The following TOX variants were observed in gnomAD, a reference collection of about 807,000 sequenced individuals.
TOX encodes the protein thymocyte selection associated high mobility group box.
Under a neutral mutation model 53.7 loss-of-function variants are expected in TOX, and 11 were observed. That is an observed-to-expected ratio of 0.20 (90% CI 0.13 to 0.34). TOX has a LOEUF of 0.34. TOX is among the 10% of genes least tolerant of loss of function. The probability of loss-of-function intolerance (pLI) is 1.00; values close to 1 mark genes in which losing one functional copy is unlikely to be tolerated. For synonymous variants in TOX, 225 were observed against 245.3 expected (o/e 0.92, Z 0.77); for missense variants, 570 against 664.6 (o/e 0.86, Z 1.56).
chr8:58,811,978 T>C (rs1191034868), intron 7 of TOX, among the ~76,000 whole-genome samples: 2 of 152,188 alleles, frequency 1.3e-5, no homozygotes, highest in East Asian at 3.8e-4. Context: ...ATTTTAAAAA[T>C]ACAGTTGCTG....
At chr8:59,002,604 CAACAAAAAAAAAACA>C (rs1170198411) in intron 1 of TOX, among the ~76,000 whole-genome samples, 2 of 102,094 alleles carry the variant, frequency 2.0e-5, no homozygotes, top group Non-Finnish European at 4.9e-5. Flanking sequence ...ACAACAACAA[CAACAAAAAAAAAACA>C]AACAAAAAAA....
At chr8:58,909,656 C>T (rs957138143) in intron 3 of TOX, among the ~76,000 whole-genome samples, 1 of 149,152 alleles carries the variant, frequency 6.7e-6, no homozygotes, top group South Asian at 2.1e-4. Context: ...AATTCTCTCT[C>T]TCTCTTTTTT....
At chr8:58,832,078 G>T (rs1206536536) in intron 5 of TOX, among the ~76,000 whole-genome samples, 1 of 149,446 alleles carries the variant, frequency 6.7e-6, no homozygotes, top group Admixed American at 6.7e-5. Context: ...AGGCATGTAA[G>T]AATCACATTT....
At chr8:59,067,502 C>G (rs1203006675) in intron 1 of TOX, among the ~76,000 whole-genome samples, 1 of 152,110 alleles carries the variant, frequency 6.6e-6, no homozygotes, top group Non-Finnish European at 1.5e-5. Context: ...CTACAGTGAG[C>G]TGCGATCACA....
chr8:59,100,364 G>A (rs1158765559), intron 1 of TOX, among the ~76,000 whole-genome samples: 1 of 152,120 alleles, frequency 6.6e-6, no homozygotes, highest in Non-Finnish European at 1.5e-5. Context: ...TTCTATTTGT[G>A]GTGTTCTGAA....
chr8:58,940,080 C>A (rs1383441086), intron 2 of TOX, among the ~76,000 whole-genome samples: 2 of 152,130 alleles, frequency 1.3e-5, no homozygotes, highest in African/African-American at 4.8e-5. Context: ...TGTAGTTCCA[C>A]TGAAAGTGTG....
intron 1 of TOX, among the ~76,000 whole-genome samples, chr8:58,979,209 T>C (rs1446174219): frequency 1.3e-5 from 2 of 152,248 alleles, no homozygotes; most frequent in Admixed American, 1.3e-4. Flanking sequence ...TTATACTTCT[T>C]GTGCTGTTCC....
chr8:59,046,664 C>T (rs573338383), intron 1 of TOX, among the ~76,000 whole-genome samples: 5 of 151,858 alleles, frequency 3.3e-5, no homozygotes, highest in Non-Finnish European at 7.4e-5. Flanking sequence ...TCAAGACCAG[C>T]CTGGCCAACA....
intron 1 of TOX, among the ~76,000 whole-genome samples, chr8:59,027,174 A>G (rs1260751470): frequency 6.6e-6 from 1 of 152,198 alleles, no homozygotes; most frequent in Non-Finnish European, 1.5e-5. Context: ...AGTTATGTCC[A>G]GATTATCTAG....
intron 1 of TOX, among the ~76,000 whole-genome samples, chr8:59,056,963 T>G (rs1349013392): frequency 6.6e-6 from 1 of 152,220 alleles, no homozygotes; most frequent in African/African-American, 2.4e-5. Flanking sequence ...TTTACTAATG[T>G]AAGAATCTAA....
chr8:58,922,979 C>T (rs1013943946), intron 3 of TOX, among the ~76,000 whole-genome samples: 4 of 151,998 alleles, frequency 2.6e-5, no homozygotes, highest in Non-Finnish European at 1.5e-5. Flanking sequence ...AAAGGTCATC[C>T]GGTGGGAGGT....
At chr8:58,935,137 T>C (rs925604985) in intron 3 of TOX, among the ~76,000 whole-genome samples, 1 of 152,152 alleles carries the variant, frequency 6.6e-6, no homozygotes, top group African/African-American at 2.4e-5. Context: ...TACAAGAGAA[T>C]ATATCTAAAA....
chr8:58,912,688 C>T (rs574393525), intron 3 of TOX, among the ~76,000 whole-genome samples: 7 of 152,304 alleles, frequency 4.6e-5, no homozygotes, highest in African/African-American at 9.6e-5. Flanking sequence ...AGAAACCCCA[C>T]GGCTCAGGAG....
intron 1 of TOX, among the ~76,000 whole-genome samples, chr8:58,965,717 AT>A (rs1327131895): frequency 6.6e-6 from 1 of 152,094 alleles, no homozygotes; most frequent in Non-Finnish European, 1.5e-5. Context: ...CTGAAAGAAT[AT>A]TTGATACTTT....
chr8:58,969,076 GA>G (rs949687400), intron 1 of TOX, among the ~76,000 whole-genome samples: 1 of 152,146 alleles, frequency 6.6e-6, no homozygotes, highest in Non-Finnish European at 1.5e-5. Flanking sequence ...ATTACATCGT[GA>G]CTAAGTATAA....
At position 59,092,231 on chromosome 8, in the gene TOX, G is replaced by A. The variant is rs534405840; in HGVS notation, c.102+26655C>T. Among the ~76,000 whole-genome samples the A allele has an allele frequency of 1.0e-4, 12 of 117,578 alleles. No homozygotes were observed. In the East Asian group the frequency reaches 1.9e-3, roughly 19 times the overall value. 77.1% of individuals were successfully genotyped at this position (117,578 alleles called of 152,430 possible). A position where few individuals can be genotyped will look rare whatever the true frequency, so the allele number is the denominator to read the frequency against. The stretch of plus-strand genomic sequence containing the variant: ...CGCGCCACTGCACTCCAGCCTGGGC[G>A]AAAGAGCAAGACTCCATCTCATATA... On this transcript the variant is annotated intron_variant, in intron 1 of 8. Transcript: ENST00000361421.
intron 1 of TOX, among the ~76,000 whole-genome samples, chr8:59,092,045 T>C (rs934067398): frequency 2.7e-5 from 4 of 150,920 alleles, no homozygotes; most frequent in South Asian, 2.1e-4. Context: ...AGGTCAGGAG[T>C]TCCAGACCAG....
intron 1 of TOX, among the ~76,000 whole-genome samples, chr8:59,079,360 C>G (rs1804355573): frequency 6.6e-6 from 1 of 152,168 alleles, no homozygotes; most frequent in South Asian, 2.1e-4. Flanking sequence ...CCAGCAGCCC[C>G]TCCCATCACA....
Position 58,815,712 on chromosome 8 carries a change from G to A in TOX, c.1018C>T (p.Pro340Ser). The A allele has an allele frequency of 1.2e-6, 2 of 1,610,654 alleles. No homozygotes were observed. The highest frequency in any genetic ancestry group is 4.5e-5 in the East Asian group (2 of 44,852). Residue 340 changes from proline to serine, a missense_variant, in exon 7 of 9, where the codon CCT (proline) becomes TCT (serine). Around this residue, in one of 3 missense-constraint regions of TOX, gnomAD observed 239 missense variants for 250.7 expected, o/e 0.95. Coordinates refer to ENST00000361421, the MANE Select transcript of TOX (RefSeq NM_014729.3). Reference sequence around the variant, plus strand: ...GGTTGAGATGTCTTCACGTCAACAGGTTCACTGTAGCTCTGTTGAGGAAAT... The same window carrying A: ...GGTTGAGATGTCTTCACGTCAACAGATTCACTGTAGCTCTGTTGAGGAAAT... ...ASLVSKSYSE[P>S]VDVKTSQPPQ...
Sources: allele counts gnomAD v4.1 joint callset (sites outside exome capture counted in the v4.1 genomes callset), GRCh38; gene constraint gnomAD v4.1.1; regional missense constraint gnomAD v4.1.1; transcripts MANE v1.5; gene names NCBI Gene and HGNC (gene_info 2026-07-23, HGNC 2026-07-21).